The following FAP variants were observed in gnomAD, a reference collection of about 807,000 sequenced individuals.
FAP encodes prolyl endopeptidase FAP.
FAP carries 110 observed loss-of-function variants against 126.5 expected under a neutral mutation model. That is an observed-to-expected ratio of 0.87 (90% CI 0.74 to 1.02). The LOEUF (loss-of-function observed/expected upper bound fraction) is 1.02. FAP is among the 50% of genes least tolerant of loss of function. FAP has a pLI of 0.00. For missense variants in FAP, 919 were observed against 909.2 expected (o/e 1.01, Z -0.14); for synonymous variants, 334 against 297.3 (o/e 1.12, Z -1.27).
chr2:162,217,837 T>A, intron 9 of FAP, 149 bp downstream of exon 9: 1 of 477,344 alleles, frequency 2.1e-6, no homozygotes, highest in Non-Finnish European at 3.6e-6. Context: ...GATGTCCACA[T>A]AAATAATAGA....
Position 162,194,725 on chromosome 2 carries a change from GGGT to G in FAP, c.1423_1425del (p.Thr475del). ...CCTTGATCAGTGCGTCCATCATGAAGGGTGGAAATGGGGATGCCTGGGCCTGTG... is the reference window on the plus strand; with the variant it reads ...CCTTGATCAGTGCGTCCATCATGAAGGGAAATGGGGATGCCTGGGCCTGTG... On this transcript the variant is annotated inframe_deletion, in exon 17 of 26. Coordinates refer to ENST00000188790, the MANE Select transcript of FAP (RefSeq NM_004460.5). 2 of 1,613,638 alleles carry G rather than the reference GGGT, an allele frequency of 1.2e-6. No homozygotes were observed. The highest frequency in any genetic ancestry group is 1.7e-6 in the Non-Finnish European group (2 of 1,179,674).
At chr2:162,231,768 T>A (rs1038479206) in intron 2 of FAP, among the ~76,000 whole-genome samples, 1 of 152,238 alleles carries the variant, frequency 6.6e-6, no homozygotes, top group East Asian at 1.9e-4. Context: ...GCCATTTGAT[T>A]GTCTAGTACT....
intron 1 of FAP, 29 bp downstream of exon 1, chr2:162,243,293 T>A (rs1050730943): frequency 1.9e-6 from 3 of 1,543,944 alleles, no homozygotes; most frequent in Non-Finnish European, 1.8e-6. Flanking sequence ...CCTAATTTTT[T>A]AAGAATACTT....
chr2:162,228,510 A>C (rs1035297359), intron 2 of FAP, among the ~76,000 whole-genome samples: 4 of 152,130 alleles, frequency 2.6e-5, no homozygotes, highest in Non-Finnish European at 4.4e-5. Context: ...CCATGAGTTT[A>C]TTTCTTTCCT....
intron 12 of FAP, among the ~76,000 whole-genome samples, chr2:162,209,342 C>T (rs368702819): frequency 6.6e-6 from 1 of 152,186 alleles, no homozygotes; most frequent in East Asian, 1.9e-4. Flanking sequence ...ATATAAAATA[C>T]AATTGCTATT....
Position 162,215,881 on chromosome 2 carries a change from G to T in FAP, c.866+17C>A, listed in dbSNP as rs768497743. The T allele has an allele frequency of 1.3e-6, 2 of 1,557,956 alleles. No individual in the cohort carries two copies. Among genetic ancestry groups the T allele is most frequent in the Non-Finnish European group, 8.9e-7 (1 of 1,128,984 alleles). On this transcript the variant is annotated intron_variant, in intron 10 of 25. Coordinates refer to ENST00000188790, the MANE Select transcript of FAP (RefSeq NM_004460.5). ...GAATATAGGATAGAAAGATGGGAGG[G>T]ATCTGAGATGAACTACCTTGAGGCT...
intron 20 of FAP, among the ~76,000 whole-genome samples, chr2:162,184,915 C>G (rs1402858753): frequency 1.3e-5 from 2 of 152,048 alleles, no homozygotes; most frequent in Admixed American, 6.6e-5. Context: ...TACATGGGAA[C>G]AGGAAACTCT....
At chr2:162,179,083 T>A (rs1687590574) in intron 21 of FAP, among the ~76,000 whole-genome samples, 1 of 152,190 alleles carries the variant, frequency 6.6e-6, no homozygotes, top group Non-Finnish European at 1.5e-5. Context: ...GCCAAGATTA[T>A]CTTTCTAAGA....
chr2:162,182,278 G>C (rs1165357090), intron 21 of FAP, among the ~76,000 whole-genome samples: 1 of 152,134 alleles, frequency 6.6e-6, no homozygotes, highest in African/African-American at 2.4e-5. Flanking sequence ...AACTCTAAGA[G>C]AAATGTTAAT....
At chr2:162,205,088 ATAAAAGGT>A (rs1688652735) in intron 12 of FAP, among the ~76,000 whole-genome samples, 2 of 152,180 alleles carry the variant, frequency 1.3e-5, no homozygotes, top group African/African-American at 4.8e-5. Flanking sequence ...CGTTTGGCCT[ATAAAAGGT>A]GGCTGCTCAC....
intron 6 of FAP, chr2:162,221,745 G>A: frequency 2.2e-6 from 1 of 456,610 alleles, no homozygotes; most frequent in Non-Finnish European, 4.4e-6. Context: ...TATGAGAAAA[G>A]GCGAGGGAGG....
chr2:162,236,297 G>C (rs1329207687), intron 2 of FAP, among the ~76,000 whole-genome samples: 1 of 152,268 alleles, frequency 6.6e-6, no homozygotes, highest in African/African-American at 2.4e-5. Context: ...TGGCATTATA[G>C]TAATGCGGGT....
chr2:162,230,530 TA>T lies in FAP; in HGVS notation c.92-3910del, dbSNP rs953484811. 1.9e-4 allele frequency among the ~76,000 whole-genome samples: 29 copies of T among 149,086 alleles called. No homozygotes were observed. The East Asian group carries it at 4.1e-3, about 21-fold the overall frequency. On this transcript the variant is annotated intron_variant, in intron 2 of 25. Transcript: ENST00000188790. ...GGAGCTCAATAAATATTTGCTGAAT[TA>T]AAAAAAAAACCAACTTGACAGATTT...
In FAP at chr2:162,173,746, C is replaced by G; in HGVS notation, c.2011G>C (p.Asp671His). The G allele has an allele frequency of 6.2e-7, 1 of 1,604,864 alleles. No homozygotes were observed. Among genetic ancestry groups the G allele is most frequent in the South Asian group, 1.1e-5 (1 of 90,818 alleles). ...ACCTTATAGTGCTCAAGATTATCAT[C>G]CTTTGTTGGGAGACCCATGAATCTC... is the stretch of plus-strand genomic sequence containing the variant. Reference protein sequence around the residue: ...TERFMGLPTKDDNLEHYKNST... With the variant: ...TERFMGLPTKHDNLEHYKNST... Residue 671 changes from aspartate (D) to histidine (H), a missense_variant, in exon 23 of 26, where the codon GAT (aspartate) becomes CAT (histidine). Physicochemically the swap from Asp to His is moderately conservative, Grantham distance 81. Coordinates refer to ENST00000188790, the MANE Select transcript of FAP (RefSeq NM_004460.5).
rs748407326 is a variant in FAP, at chr2:162,210,039, AT to A, written c.1003-44del. ...ACATCGAACATAGTATTAGGAGAAC[AT>A]TTTTTTCCTAAATGTAATCTGGACA... On this transcript the variant is annotated intron_variant, in intron 11 of 25. Coordinates refer to ENST00000188790, the MANE Select transcript of FAP (RefSeq NM_004460.5). The A allele has an allele frequency of 3.5e-4, 542 of 1,563,064 alleles. 6 individuals carry two copies. The South Asian group carries it at 5.7e-3, about 16-fold the overall frequency.
intron 21 of FAP, 45 bp downstream of exon 21, chr2:162,183,369 A>T: frequency 7.3e-7 from 1 of 1,369,744 alleles, no homozygotes; most frequent in Non-Finnish European, 1.0e-6. Context: ...GAAAATGATG[A>T]TTGCTGAACT....
chr2:162,218,770 T>G (rs1689264060), intron 8 of FAP, among the ~76,000 whole-genome samples: 1 of 151,764 alleles, frequency 6.6e-6, no homozygotes, highest in Non-Finnish European at 1.5e-5. Context: ...AAAGAAAAAG[T>G]AAACATGAGA....
intron 10 of FAP, among the ~76,000 whole-genome samples, 188 bp from the exon 11 acceptor site, chr2:162,214,261 C>T (rs1192731270): frequency 6.6e-6 from 1 of 152,072 alleles, no homozygotes; most frequent in East Asian, 1.9e-4. Flanking sequence ...AAAAAAATAT[C>T]TATGAGAGTT....
At chr2:162,173,897 CT>C in intron 22 of FAP, 110 bp from the exon 23 acceptor site, 1 of 780,206 alleles carries the variant, frequency 1.3e-6, no homozygotes, top group Non-Finnish European at 2.2e-6. Flanking sequence ...ATCTTGAGCT[CT>C]TGAGGTAAAT....
Sources: gnomAD v4.1 joint callset for allele counts (sites outside exome capture counted in the v4.1 genomes callset) on GRCh38, gnomAD v4.1.1 for gene constraint, MANE v1.5 for transcripts, NCBI Gene and HGNC (gene_info 2026-07-23, HGNC 2026-07-21) for gene names.